PACRG: variants seen among roughly 807,000 people sequenced by gnomAD.
PACRG encodes the protein parkin coregulated.
A neutral mutation model predicts 29.7 loss-of-function variants in PACRG; 29 were observed. The ratio of observed to expected loss-of-function variants is 0.98; its 90% CI spans 0.73 to 1.33. PACRG has a LOEUF of 1.33. Among genes scored for constraint, PACRG ranks in the 40% most tolerant of loss-of-function variants. PACRG has a pLI of 0.00. For missense variants in PACRG, 279 were observed against 316.2 expected (o/e 0.88, Z 0.89); for synonymous variants, 116 against 118.7 (o/e 0.98, Z 0.15).
At chr6:162,959,081 CTT>C (rs754915768) in intron 2 of PACRG, among the ~76,000 whole-genome samples, 13 of 105,492 alleles carry the variant, frequency 1.2e-4, no homozygotes, top group Admixed American at 1.9e-4. Context: ...GCCTGGCTAA[CTT>C]TTTTTTTTTT....
chr6:162,783,604 T>C (rs1255088626), intron 1 of PACRG, among the ~76,000 whole-genome samples: 1 of 152,046 alleles, frequency 6.6e-6, no homozygotes, highest in Non-Finnish European at 1.5e-5. Flanking sequence ...ACCAAATCTC[T>C]ATGTGGAAAG....
At chr6:163,258,081 A>G (rs1320941175) in intron 4 of PACRG, among the ~76,000 whole-genome samples, 1 of 152,128 alleles carries the variant, frequency 6.6e-6, no homozygotes, top group African/African-American at 2.4e-5. Flanking sequence ...TTTTCAGAAC[A>G]CTATTAAGGA....
chr6:162,995,086 C>T (rs1161739838), intron 2 of PACRG, among the ~76,000 whole-genome samples: 2 of 151,254 alleles, frequency 1.3e-5, no homozygotes, highest in African/African-American at 2.5e-5. Context: ...CTTGAGGAGG[C>T]AGTCCGCCCG....
intron 2 of PACRG, among the ~76,000 whole-genome samples, chr6:162,870,757 C>A (rs750379995): frequency 2.6e-5 from 4 of 152,130 alleles, no homozygotes; most frequent in African/African-American, 9.7e-5. Flanking sequence ...ATGAGTGTTT[C>A]TTATGGGGTA....
At chr6:162,809,727 G>A (rs909172017) in intron 1 of PACRG, among the ~76,000 whole-genome samples, 5 of 152,170 alleles carry the variant, frequency 3.3e-5, no homozygotes, top group African/African-American at 1.2e-4. Context: ...GACCAACTCA[G>A]TAAGTGGGAG....
intron 4 of PACRG, among the ~76,000 whole-genome samples, chr6:163,144,626 G>T (rs1192455510): frequency 6.6e-6 from 1 of 151,986 alleles, no homozygotes; most frequent in Non-Finnish European, 1.5e-5. Flanking sequence ...AAAATTAGTT[G>T]GGCATGGTGG....
rs149378062 is a variant in PACRG at position 162,810,748 on chromosome 6, C to T, written c.157-3399C>T. On this transcript the variant is annotated intron_variant, in intron 1 of 4. Coordinates refer to ENST00000366888, the MANE Select transcript of PACRG (RefSeq NM_001080379.2). The stretch of plus-strand genomic sequence containing the variant: ...AGCAGTAGAAGTTACCCAATATGAA[C>T]GACAGAGAAAACAGGCTGGAAAAAG... Among the ~76,000 whole-genome samples, 21 of 152,112 alleles carry T rather than the reference C, an allele frequency of 1.4e-4. No individual in the cohort carries two copies. In the East Asian group the frequency reaches 3.5e-3, roughly 25 times the overall value.
rs3064946 is a variant in PACRG, at chr6:163,290,278, GCACACACACACACA to G, written c.614-24516_614-24503del. Among the ~76,000 whole-genome samples the G allele has an allele frequency of 8.8e-3, 1,004 of 114,566 alleles. 7 individuals carry two copies. The highest frequency in any genetic ancestry group is 0.028 in the African/African-American group (922 of 32,798). The allele number at this position is 114,566 out of a possible 152,430, so 75.2% of individuals were successfully genotyped here. A position where few individuals can be genotyped will look rare whatever the true frequency, so the allele number is the denominator to read the frequency against. The stretch of plus-strand genomic sequence containing the variant: ...CATGTGCGCATGCACGCGCGCGCGC[GCACACACACACACA>G]CACACACACACACACACACACACAC... On this transcript the variant is annotated intron_variant, in intron 4 of 4. Coordinates refer to ENST00000366888, the MANE Select transcript of PACRG (RefSeq NM_001080379.2).
Position 162,728,338 on chromosome 6 carries a change from C to T in PACRG, c.103C>T (p.His35Tyr). Reference protein sequence around the residue: ...AQQPLPVHQPHSLVSEGFTVK... With the variant: ...AQQPLPVHQPYSLVSEGFTVK... ...ACAGCCGCTCCCGGTGCACCAGCCT[C>T]ACTCTCTGGTTTCTGAGGGTTTCAC... Residue 35 changes from histidine to tyrosine, a missense_variant, in exon 1 of 5, where the codon CAC becomes TAC. Physicochemically the swap from His to Tyr is moderately conservative, Grantham distance 83 (BLOSUM62 2). Coordinates refer to ENST00000366888, the MANE Select transcript of PACRG (RefSeq NM_001080379.2). 1 of 1,613,964 alleles carries T rather than the reference C, an allele frequency of 6.2e-7. No homozygotes were observed. The highest frequency in any genetic ancestry group is 8.5e-7 in the Non-Finnish European group (1 of 1,180,028).
intron 3 of PACRG, among the ~76,000 whole-genome samples, chr6:163,069,285 CA>C (rs11354740): frequency 0.29 from 27,302 of 94,254 alleles, 3,194 homozygotes; most frequent in African/African-American, 0.44. Flanking sequence ...ATGAACTCAC[CA>C]AAAAAAAAAA....
chr6:163,171,964 A>T (rs1779109462), intron 4 of PACRG, among the ~76,000 whole-genome samples: 1 of 152,214 alleles, frequency 6.6e-6, no homozygotes, highest in South Asian at 2.1e-4. Context: ...AAAATAAACA[A>T]GAAGTCCATC....
chr6:162,884,423 T>C (rs1794162012), intron 2 of PACRG, among the ~76,000 whole-genome samples: 1 of 152,166 alleles, frequency 6.6e-6, no homozygotes, highest in Non-Finnish European at 1.5e-5. Flanking sequence ...AAAATACATA[T>C]ATACATGCAC....
At chr6:163,298,186 T>C (rs746037207) in intron 4 of PACRG, among the ~76,000 whole-genome samples, 32 of 152,208 alleles carry the variant, frequency 2.1e-4, no homozygotes, top group Admixed American at 4.6e-4. Flanking sequence ...AGATGAGACT[T>C]TGTTTTCTTT....
intron 2 of PACRG, among the ~76,000 whole-genome samples, chr6:162,953,427 T>C (rs972465873): frequency 6.6e-6 from 1 of 152,134 alleles, no homozygotes. Flanking sequence ...TAGAAGATAA[T>C]ACTGTAAACT....
chr6:163,209,949 A>G (rs994283847), intron 4 of PACRG, among the ~76,000 whole-genome samples: 11 of 152,164 alleles, frequency 7.2e-5, no homozygotes, highest in African/African-American at 2.7e-4. Flanking sequence ...ATATGTGTGA[A>G]GTTCTTGAGC....
chr6:162,912,200 A>G (rs934376181), intron 2 of PACRG, among the ~76,000 whole-genome samples: 1 of 152,174 alleles, frequency 6.6e-6, no homozygotes, highest in Non-Finnish European at 1.5e-5. Context: ...TCCCTAGTAT[A>G]TTTCCATCAT....
intron 2 of PACRG, among the ~76,000 whole-genome samples, chr6:162,847,055 C>T (rs1253088735): frequency 3.4e-5 from 5 of 146,862 alleles, no homozygotes; most frequent in Admixed American, 1.4e-4. Context: ...CTGCCGTGCT[C>T]CTCATGCTGA....
chr6:163,086,059 G>A (rs372692321), intron 3 of PACRG, among the ~76,000 whole-genome samples: 35 of 152,318 alleles, frequency 2.3e-4, no homozygotes, highest in East Asian at 2.1e-3. Flanking sequence ...TGTGAATCAC[G>A]CACATATCTG....
Position 162,781,319 on chromosome 6 carries a change from A to G in PACRG, c.157-32828A>G, listed in dbSNP as rs112869843. Reference sequence around the variant, plus strand: ...CAAGGTGAAATAACAAGTTGTTTTCAGATATACATAAGTCAAAACAAATTC... The same window carrying G: ...CAAGGTGAAATAACAAGTTGTTTTCGGATATACATAAGTCAAAACAAATTC... On this transcript the variant is annotated intron_variant, in intron 1 of 4. Transcript: ENST00000366888. Among the ~76,000 whole-genome samples, 309 of 152,096 alleles carry G rather than the reference A, an allele frequency of 2.0e-3. 1 individual carries two copies. Among genetic ancestry groups the G allele is most frequent in the African/African-American group, 7.1e-3 (293 of 41,556 alleles).
Sources: gnomAD v4.1 joint callset for allele counts (sites outside exome capture counted in the v4.1 genomes callset) on GRCh38, gnomAD v4.1.1 for gene constraint, MANE v1.5 for transcripts, NCBI Gene and HGNC (gene_info 2026-07-23, HGNC 2026-07-21) for gene names.